The following DOCK4 variants were observed in gnomAD, a reference collection of about 807,000 sequenced individuals.
DOCK4 encodes dedicator of cytokinesis 4.
A neutral mutation model predicts 268.1 loss-of-function variants in DOCK4; 97 were observed. The ratio of observed to expected loss-of-function variants is 0.36; its 90% CI spans 0.31 to 0.43. The LOEUF is 0.43. Among genes scored for constraint, DOCK4 ranks in the 20% least tolerant of loss-of-function variants. The pLI is 1.00. For synonymous variants in DOCK4, 954 were observed against 887.2 expected (o/e 1.08, Z -1.34); for missense variants, 2,145 against 2,455.7 (o/e 0.87, Z 2.67).
chr7:111,926,627 C>T lies in DOCK4; in HGVS notation c.1066+8913G>A, dbSNP rs190511228. ...CACGAGGTCAGGAGATCGAGACTAT[C>T]CTGGCCAACATGGTAAAAACACATC... On this transcript the variant is annotated intron_variant, in intron 12 of 52. Transcript: ENST00000428084. Among the ~76,000 whole-genome samples the T allele has an allele frequency of 3.8e-3, 571 of 149,724 alleles. 4 individuals are homozygous for T. The highest frequency in any genetic ancestry group is 5.4e-3 in the Non-Finnish European group (363 of 67,718).
chr7:111,816,440 G>A (rs1417490640), intron 27 of DOCK4, among the ~76,000 whole-genome samples: 3 of 152,192 alleles, frequency 2.0e-5, no homozygotes, highest in African/African-American at 7.2e-5. Context: ...GCATCTAAAC[G>A]AGTGGTTCTC....
At chr7:112,083,600 T>C (rs975268916) in intron 1 of DOCK4, among the ~76,000 whole-genome samples, 12 of 152,020 alleles carry the variant, frequency 7.9e-5, no homozygotes, top group African/African-American at 2.9e-4. Flanking sequence ...ACATCCAAAA[T>C]AGCTATGAAA....
At position 111,792,144 on chromosome 7, in the gene DOCK4, T is replaced by C. The variant is rs150381401; in HGVS notation, c.3167-1539A>G. On this transcript the variant is annotated intron_variant, in intron 30 of 52. Transcript: ENST00000428084. ...AGTCTATTACGCTAATCATCTTTGT[T>C]AAATCTCATAAGTTTCTAGTTCTAT... Among the ~76,000 whole-genome samples the C allele has an allele frequency of 1.1e-3, 161 of 152,342 alleles. 1 individual carries two copies. The highest frequency in any genetic ancestry group is 6.8e-3 in the Middle Eastern group (2 of 294).
chr7:111,998,493 G>T lies in DOCK4; in HGVS notation c.173C>A (p.Pro58His). The change falls in exon 4 of 53, where the codon CCT (proline) becomes CAT (histidine). Residue 58 changes from proline (P) to histidine (H), a missense_variant. Physicochemically the swap from Pro to His is moderately conservative, Grantham distance 77. Coordinates refer to ENST00000428084, the MANE Select transcript of DOCK4 (RefSeq NM_001363540.2). ...ATTTTTCAAGTGAACGTAGCTGGAA[G>T]GAAATATACCCTGGAAAAGAAAACA... ...LKNPNIKGIF[P>H]SSYVHLKNAC... is the part of the protein sequence containing the mutation. 1 of 1,587,492 alleles carries T rather than the reference G, an allele frequency of 6.3e-7. No homozygotes were observed. The highest frequency in any genetic ancestry group is 8.6e-7 in the Non-Finnish European group (1 of 1,164,716).
intron 1 of DOCK4, among the ~76,000 whole-genome samples, chr7:112,096,516 T>C (rs1305481678): frequency 1.3e-5 from 2 of 152,176 alleles, no homozygotes; most frequent in East Asian, 1.9e-4. Context: ...TTATGTAACA[T>C]GTACTAATTT....
At chr7:112,042,428 C>A (rs1322336131) in intron 1 of DOCK4, among the ~76,000 whole-genome samples, 1 of 151,998 alleles carries the variant, frequency 6.6e-6, no homozygotes, top group African/African-American at 2.4e-5. Flanking sequence ...CAAGAACCTA[C>A]CAAACAATAT....
At chr7:112,072,846 A>G (rs372051382) in intron 1 of DOCK4, among the ~76,000 whole-genome samples, 1 of 152,152 alleles carries the variant, frequency 6.6e-6, no homozygotes, top group African/African-American at 2.4e-5. Context: ...CTGGTATACA[A>G]CCTTCCTCTG....
intron 12 of DOCK4, among the ~76,000 whole-genome samples, chr7:111,927,950 G>A (rs1016950347): frequency 1.3e-5 from 2 of 152,134 alleles, no homozygotes; most frequent in South Asian, 2.1e-4. Flanking sequence ...AGAAGAACCT[G>A]AATAAACAGG....
chr7:111,791,543 G>A (rs1400349816), intron 30 of DOCK4, among the ~76,000 whole-genome samples: 1 of 151,872 alleles, frequency 6.6e-6, no homozygotes, highest in African/African-American at 2.4e-5. Context: ...TGCCTCCCAG[G>A]CTGAAGCACA....
chr7:111,753,190 T>A (rs1796806596), intron 42 of DOCK4, among the ~76,000 whole-genome samples: 1 of 152,136 alleles, frequency 6.6e-6, no homozygotes, highest in African/African-American at 2.4e-5. Flanking sequence ...ATTACATTAA[T>A]AAGGCTGGGC....
chr7:111,804,681 C>A (rs1800541276), intron 30 of DOCK4, among the ~76,000 whole-genome samples: 1 of 152,002 alleles, frequency 6.6e-6, no homozygotes, highest in Non-Finnish European at 1.5e-5. Context: ...CTCACTGCAA[C>A]CTCTGCCTCC....
chr7:112,045,992 A>G (rs1369274573), intron 1 of DOCK4, among the ~76,000 whole-genome samples: 4 of 152,238 alleles, frequency 2.6e-5, no homozygotes, highest in South Asian at 4.1e-4. Flanking sequence ...GCTATAATGT[A>G]TAAGTTTATA....
intron 8 of DOCK4, among the ~76,000 whole-genome samples, chr7:111,975,121 G>C (rs1798067879): frequency 6.6e-6 from 1 of 152,142 alleles, no homozygotes; most frequent in Non-Finnish European, 1.5e-5. Context: ...ACAAAAATTA[G>C]CTGGGCGTGG....
intron 1 of DOCK4, among the ~76,000 whole-genome samples, chr7:112,100,827 A>G (rs1810611357): frequency 6.6e-6 from 1 of 152,220 alleles, no homozygotes; most frequent in African/African-American, 2.4e-5. Flanking sequence ...ATATATCTAC[A>G]TAGAGATAGA....
intron 1 of DOCK4, among the ~76,000 whole-genome samples, chr7:112,159,220 T>C (rs991854089): frequency 2.0e-5 from 3 of 152,088 alleles, no homozygotes; most frequent in African/African-American, 7.2e-5. Flanking sequence ...ACCATCTCAT[T>C]ACTTGACTGG....
chr7:111,889,400 G>C (rs1808110824), intron 16 of DOCK4, among the ~76,000 whole-genome samples: 2 of 152,034 alleles, frequency 1.3e-5, no homozygotes, highest in African/African-American at 2.4e-5. Context: ...GGAGCATATG[G>C]GGTTCACTGG....
chr7:112,115,648 TCCAC>T (rs1182804385), intron 1 of DOCK4, among the ~76,000 whole-genome samples: 44 of 148,924 alleles, frequency 3.0e-4, no homozygotes, highest in African/African-American at 7.3e-4. Flanking sequence ...CATCCATCCA[TCCAC>T]CCATCCATCC....
chr7:111,885,301 C>G (rs1807741753), intron 16 of DOCK4, among the ~76,000 whole-genome samples: 2 of 152,186 alleles, frequency 1.3e-5, no homozygotes, highest in Non-Finnish European at 2.9e-5. Context: ...TACTCCTAAC[C>G]TGGATGGGGT....
In DOCK4 at chr7:111,728,550, G is replaced by C. The variant is rs532655615; in HGVS notation, c.5652C>G (p.Pro1884=). The change falls in exon 53 of 53, where the codon CCC becomes CCG. Residue 1884 remains proline, a synonymous_variant. Transcript: ENST00000428084. ...FENQVNEQSA[P]LPVPVPVPVP... is the part of the protein sequence containing the mutation. Reference sequence around the variant, plus strand: ...CGGGCACCGGCACTGGCACCGGCAGGGGGGCCGACTGTTCATTCACCTGAT... The same window carrying C: ...CGGGCACCGGCACTGGCACCGGCAGCGGGGCCGACTGTTCATTCACCTGAT... The C allele has an allele frequency of 1.5e-5, 24 of 1,613,680 alleles. No individual in the cohort carries two copies. Among genetic ancestry groups the C allele is most frequent in the Non-Finnish European group, 1.9e-5 (22 of 1,179,826 alleles).
Sources: gnomAD v4.1 joint callset for allele counts (sites outside exome capture counted in the v4.1 genomes callset) on GRCh38, gnomAD v4.1.1 for gene constraint, MANE v1.5 for transcripts, NCBI Gene and HGNC (gene_info 2026-07-23, HGNC 2026-07-21) for gene names.